The following RGS9 variants were observed in gnomAD, a reference collection of about 807,000 sequenced individuals.
The protein encoded by RGS9 is regulator of G protein signaling 9, also known as regulator of G-protein signalling 9.
A neutral mutation model predicts 102.0 loss-of-function variants in RGS9; 78 were observed. The observed-to-expected ratio is 0.76, with a 90% CI of 0.64 to 0.92. RGS9 has a LOEUF of 0.92. RGS9 is among the 40% of genes least tolerant of loss of function. The pLI is 0.00. For missense variants in RGS9, 833 were observed against 866.1 expected, an observed-to-expected ratio of 0.96 and a Z score of 0.48; for synonymous variants, 353 against 318.6, an observed-to-expected ratio of 1.11 and a Z score of -1.15.
At chr17:65,187,156 T>C (rs530006408) in intron 9 of RGS9, among the ~76,000 whole-genome samples, 1 of 152,200 alleles carries the variant, frequency 6.6e-6, no homozygotes, top group African/African-American at 2.4e-5. Context: ...ATGTCCCCAT[T>C]CTTCTAGGCC....
In RGS9 at chr17:65,177,731, G is replaced by T; in HGVS notation, c.583-1G>T. The T allele has an allele frequency of 6.2e-7, 1 of 1,613,706 alleles. No individual in the cohort carries two copies. The highest frequency in any genetic ancestry group is 2.2e-5 in the East Asian group (1 of 44,890). On this transcript the variant is annotated splice_acceptor_variant, in intron 8 of 18. Coordinates refer to ENST00000262406, the MANE Select transcript of RGS9 (RefSeq NM_003835.4). LOFTEE classifies it high-confidence loss of function. ...CCTTATGTTGTTTTTATTCCATTTA[G>T]CCTGGAATGGACAATGTGCTGGACT...
At chr17:65,154,843 G>A (rs900384537) in intron 2 of RGS9, among the ~76,000 whole-genome samples, 5 of 152,182 alleles carry the variant, frequency 3.3e-5, no homozygotes, top group South Asian at 2.1e-4. Flanking sequence ...GCCTCACCAC[G>A]GCTGTGCTCA....
chr17:65,174,630 T>G (rs546582648), intron 8 of RGS9, among the ~76,000 whole-genome samples: 1 of 152,194 alleles, frequency 6.6e-6, no homozygotes, highest in Admixed American at 6.5e-5. Flanking sequence ...TAAACATATA[T>G]GTGTCAGTAT....
At chr17:65,160,486 T>A in intron 4 of RGS9, 50 bp from the exon 5 acceptor site, 3 of 1,609,892 alleles carry the variant, frequency 1.9e-6, no homozygotes, top group Non-Finnish European at 2.6e-6. Context: ...TTGGGGTCCA[T>A]TGAGTCACAA....
At position 65,173,859 on chromosome 17, in the gene RGS9, T is replaced by C. The variant is rs1483842982; in HGVS notation, c.583-3873T>C. ...GAAGAAATGGATGAATGAAAGGAGC[T>C]TGGGAGTCTCTGAAACCAGCAGAGG... On this transcript the variant is annotated intron_variant, in intron 8 of 18. Transcript: ENST00000262406. The surrounding 1 kb of genome is among the most constrained non-coding windows in gnomAD (Gnocchi z 4.8). 6.6e-6 allele frequency among the ~76,000 whole-genome samples: 1 copy of C among 150,434 alleles called. No homozygotes were observed. Among genetic ancestry groups the C allele is most frequent in the Non-Finnish European group, 1.5e-5 (1 of 68,038 alleles).
intron 1 of RGS9, among the ~76,000 whole-genome samples, chr17:65,141,361 C>T (rs1158299050): frequency 6.6e-6 from 1 of 152,196 alleles, no homozygotes; most frequent in African/African-American, 2.4e-5. Flanking sequence ...CCACCACCGC[C>T]CTTGGGATTC....
intron 7 of RGS9, among the ~76,000 whole-genome samples, chr17:65,167,122 G>A (rs1452582173): frequency 6.6e-6 from 1 of 152,210 alleles, no homozygotes; most frequent in African/African-American, 2.4e-5. Flanking sequence ...GGAGGAAGAA[G>A]GCCCTGCGTC....
At chr17:65,177,089 C>CCATCCATCCATT (rs1567873643) in intron 8 of RGS9, among the ~76,000 whole-genome samples, 6 of 143,838 alleles carry the variant, frequency 4.2e-5, no homozygotes, top group African/African-American at 1.8e-4. Flanking sequence ...ATCCATCCAT[C>CCATCCATCCATT]CATCCTTCCA....
intron 17 of RGS9, among the ~76,000 whole-genome samples, chr17:65,212,272 C>A (rs1280304238): frequency 6.6e-6 from 1 of 152,146 alleles, no homozygotes; most frequent in Non-Finnish European, 1.5e-5. Flanking sequence ...ATTTCAAAGT[C>A]TCGTTGCAAA....
chr17:65,212,046 C>G (rs551367512), intron 17 of RGS9, among the ~76,000 whole-genome samples: 2 of 152,338 alleles, frequency 1.3e-5, no homozygotes, highest in South Asian at 4.1e-4. Context: ...TCATGTACCT[C>G]TCTTCTCCCA....
intron 11 of RGS9, among the ~76,000 whole-genome samples, chr17:65,191,315 A>T (rs939255125): frequency 6.6e-6 from 1 of 152,188 alleles, no homozygotes; most frequent in Non-Finnish European, 1.5e-5. Context: ...TATTTGTCTC[A>T]GGACCTCATT....
Position 65,225,051 on chromosome 17 carries a change from C to T in RGS9, c.1457C>T (p.Thr486Ile), listed in dbSNP as rs764201349. 66 of 1,613,976 alleles carry T rather than the reference C, an allele frequency of 4.1e-5. No homozygotes were observed. The highest frequency in any genetic ancestry group is 5.3e-5 in the Non-Finnish European group (62 of 1,179,968). ...PSPHLTVYTG[T>I]CMPPSPSSPF... ...CCCCATCTGACCGTGTACACCGGGA[C>T]CTGCATGCCCCCGTCTCCTTCTAGC... Residue 486 changes from threonine (T) to isoleucine (I), a missense_variant, in exon 18 of 19, where the codon ACC (threonine) becomes ATC (isoleucine). This residue lies in a region of RGS9 where 320 missense variants were observed against 276.8 expected (regional missense o/e 1.16). Coordinates refer to ENST00000262406, the MANE Select transcript of RGS9 (RefSeq NM_003835.4).
At chr17:65,171,856 G>A (rs1315092058) in intron 8 of RGS9, among the ~76,000 whole-genome samples, 1 of 152,246 alleles carries the variant, frequency 6.6e-6, no homozygotes, top group African/African-American at 2.4e-5. Flanking sequence ...ATGAACAAAG[G>A]GAGAAAGTGC....
chr17:65,213,135 C>T (rs984950731), intron 17 of RGS9, among the ~76,000 whole-genome samples: 10 of 150,828 alleles, frequency 6.6e-5, no homozygotes, highest in African/African-American at 2.2e-4. Flanking sequence ...CTTCTCTAAA[C>T]AGACTTTGTG....
chr17:65,196,813 A>G (rs1202113971), intron 12 of RGS9, among the ~76,000 whole-genome samples: 1 of 152,242 alleles, frequency 6.6e-6, no homozygotes, highest in African/African-American at 2.4e-5. Context: ...CCAGGCTGTT[A>G]CCATGCCTTG....
chr17:65,158,147 A>C, intron 2 of RGS9, 148 bp from the exon 3 acceptor site: 1 of 775,356 alleles, frequency 1.3e-6, no homozygotes, highest in Non-Finnish European at 2.3e-6. Context: ...GGGACTGAGC[A>C]TGATGAGGTG....
intron 7 of RGS9, among the ~76,000 whole-genome samples, chr17:65,166,611 A>T (rs923993670): frequency 6.6e-6 from 1 of 152,246 alleles, no homozygotes; most frequent in African/African-American, 2.4e-5. Context: ...CTAGGTTACT[A>T]ACTCTCTTGC....
chr17:65,163,913 AG>A (rs988998693), intron 7 of RGS9, among the ~76,000 whole-genome samples: 3 of 152,354 alleles, frequency 2.0e-5, no homozygotes, highest in African/African-American at 7.2e-5. Context: ...TGAGGGCCAT[AG>A]GGAGCCATAG....
At chr17:65,176,422 G>A (rs1445939335) in intron 8 of RGS9, among the ~76,000 whole-genome samples, 1 of 151,668 alleles carries the variant, frequency 6.6e-6, no homozygotes, top group African/African-American at 2.4e-5. Context: ...TTCTTAGAGA[G>A]GTTAGTGAGT....
Sources: gnomAD v4.1 joint callset for allele counts (sites outside exome capture counted in the v4.1 genomes callset) on GRCh38, gnomAD v4.1.1 for gene constraint, gnomAD v4.1.1 regional missense constraint, Gnocchi (gnomAD v3.1) non-coding constraint, MANE v1.5 for transcripts, NCBI Gene and HGNC (gene_info 2026-07-23, HGNC 2026-07-21) for gene names.